Variants in ASTN2 observed in about 807,000 individuals in gnomAD.
ASTN2 encodes astrotactin-2.
ASTN2 carries 54 observed loss-of-function variants against 139.8 expected under a neutral mutation model. The ratio of observed to expected loss-of-function variants is 0.39; its 90% CI spans 0.31 to 0.48. ASTN2 has a LOEUF of 0.48. Ranked by LOEUF, ASTN2 falls within the 20% of genes least tolerant of loss-of-function variation. ASTN2 has a pLI of 0.95. For synonymous variants in ASTN2, 756 were observed against 719.5 expected (o/e 1.05, Z -0.81); for missense variants, 1,565 against 1,725.1 (o/e 0.91, Z 1.64).
intron 19 of ASTN2, among the ~76,000 whole-genome samples, chr9:116,604,833 A>G (rs1346475025): frequency 1.3e-5 from 2 of 152,166 alleles, no homozygotes; most frequent in African/African-American, 2.4e-5. Flanking sequence ...TGGGATGAGG[A>G]GTGTCTTTTC....
At chr9:116,964,299 T>C (rs767523205) in intron 10 of ASTN2, among the ~76,000 whole-genome samples, 10 of 151,372 alleles carry the variant, frequency 6.6e-5, no homozygotes, top group Non-Finnish European at 1.3e-4. Flanking sequence ...GGTTGATGCC[T>C]ATTGGGCAGA....
intron 2 of ASTN2, among the ~76,000 whole-genome samples, chr9:117,248,853 C>T (rs1292207953): frequency 6.6e-6 from 1 of 152,084 alleles, no homozygotes; most frequent in Non-Finnish European, 1.5e-5. Flanking sequence ...TGTGCAACAC[C>T]CAGTGTTGTG....
intron 1 of ASTN2, among the ~76,000 whole-genome samples, chr9:117,301,444 A>G (rs1198848984): frequency 1.3e-5 from 2 of 152,194 alleles, no homozygotes; most frequent in African/African-American, 4.8e-5. Context: ...TTTAGCCCTC[A>G]TAGGAAACCC....
At chr9:116,903,399 G>A (rs768177007) in intron 10 of ASTN2, among the ~76,000 whole-genome samples, 15 of 151,928 alleles carry the variant, frequency 9.9e-5, no homozygotes, top group Non-Finnish European at 2.1e-4. Context: ...GGATATTTGC[G>A]ACCAATTGGA....
At chr9:117,198,729 G>A (rs1831597586) in intron 3 of ASTN2, among the ~76,000 whole-genome samples, 2 of 152,144 alleles carry the variant, frequency 1.3e-5, no homozygotes, top group Non-Finnish European at 2.9e-5. Flanking sequence ...CTTCCACAAT[G>A]GTTAAACTAA....
At chr9:116,466,138 C>T (rs923743424) in intron 20 of ASTN2, among the ~76,000 whole-genome samples, 7 of 152,086 alleles carry the variant, frequency 4.6e-5, no homozygotes, top group South Asian at 4.1e-4. Context: ...GGGTGGGAAG[C>T]GGGCTTTTGA....
intron 5 of ASTN2, among the ~76,000 whole-genome samples, chr9:117,048,980 T>TTTTTTTTTTTTTTTTTTA (rs1838833350): frequency 6.8e-6 from 1 of 147,466 alleles, no homozygotes; most frequent in African/African-American, 2.5e-5. Flanking sequence ...TTTTTTTTTT[T>TTTTTTTTTTTTTTTTTTA]GAGACGGAGT....
chr9:117,397,444 A>G (rs558043293), intron 1 of ASTN2, among the ~76,000 whole-genome samples: 4 of 152,310 alleles, frequency 2.6e-5, no homozygotes, highest in African/African-American at 9.6e-5. Context: ...GAAAGGAATC[A>G]TAAAACTCTA....
chr9:117,305,076 G>A (rs528065479), intron 1 of ASTN2, among the ~76,000 whole-genome samples: 7 of 152,316 alleles, frequency 4.6e-5, no homozygotes, highest in African/African-American at 1.7e-4. Flanking sequence ...TTAATTCAGT[G>A]CAAGATGCCA....
chr9:116,611,362 G>A (rs551170739), intron 19 of ASTN2: 20 of 151,840 alleles, frequency 1.3e-4, no homozygotes, highest in African/African-American at 3.6e-4. Flanking sequence ...ATTAAAATGC[G>A]GAGAAAACCA....
rs770519057 is a variant in ASTN2, at chr9:116,426,026, C to T, written c.3845G>A (p.Arg1282Gln). 20 of 1,613,940 alleles carry T rather than the reference C, an allele frequency of 1.2e-5. No individual in the cohort carries two copies. Among genetic ancestry groups the T allele is most frequent in the Admixed American group, 8.3e-5 (5 of 60,010 alleles). Residue 1282 changes from arginine to glutamine, a missense_variant, in exon 23 of 23, where the codon CGG (arginine) becomes CAG (glutamine). Arg to Gln is a conservative substitution (Grantham distance 43). Around this residue, in one of 4 missense-constraint regions of ASTN2, gnomAD observed 418 missense variants for 465.8 expected, o/e 0.90. Coordinates refer to ENST00000313400, the MANE Select transcript of ASTN2 (RefSeq NM_001365068.1). ...CACGCGGCTCTGGATGTAGGCACTC[C>T]GCAGGAGGCTGGAGCAGTGGCTACT... ...RVSSHCSSLLRSAYIQSRVET... is the reference protein window; with the variant it reads ...RVSSHCSSLLQSAYIQSRVET...
At chr9:116,499,279 G>C (rs187068437) in intron 19 of ASTN2, among the ~76,000 whole-genome samples, 1 of 152,148 alleles carries the variant, frequency 6.6e-6, no homozygotes. Flanking sequence ...AGCAGAGTGT[G>C]GGGGGCACAG....
At chr9:116,591,846 T>G (rs1854391073) in intron 19 of ASTN2, among the ~76,000 whole-genome samples, 1 of 152,174 alleles carries the variant, frequency 6.6e-6, no homozygotes, top group African/African-American at 2.4e-5. Flanking sequence ...TAAAATTACA[T>G]CCATATATGT....
intron 19 of ASTN2, among the ~76,000 whole-genome samples, chr9:116,549,980 A>G (rs1852272323): frequency 6.6e-6 from 1 of 152,184 alleles, no homozygotes; most frequent in Admixed American, 6.5e-5. Context: ...CTCCTACGCA[A>G]TGGAACCCAC....
At chr9:117,185,806 G>C (rs1564466698) in intron 3 of ASTN2, among the ~76,000 whole-genome samples, 1 of 152,068 alleles carries the variant, frequency 6.6e-6, no homozygotes, top group African/African-American at 2.4e-5. Context: ...TTCCAGGTGG[G>C]AGCCAAAGAG....
At chr9:117,005,004 T>C (rs149343963) in intron 7 of ASTN2, among the ~76,000 whole-genome samples, 97 of 152,016 alleles carry the variant, frequency 6.4e-4, no homozygotes, top group African/African-American at 2.3e-3. Flanking sequence ...AAATGTCATC[T>C]AGATGCTGTA....
intron 7 of ASTN2, among the ~76,000 whole-genome samples, chr9:117,000,565 A>G (rs1837165965): frequency 6.6e-6 from 1 of 152,202 alleles, no homozygotes. Context: ...AAGCCTAATG[A>G]TTTAAACTGT....
intron 11 of ASTN2, among the ~76,000 whole-genome samples, chr9:116,859,982 A>G (rs1399058225): frequency 2.0e-5 from 3 of 152,238 alleles, no homozygotes; most frequent in African/African-American, 7.2e-5. Flanking sequence ...CTGGCCTTAA[A>G]TGACCTTGTG....
At chr9:117,361,843 A>AT (rs1376964202) in intron 1 of ASTN2, among the ~76,000 whole-genome samples, 15 of 152,182 alleles carry the variant, frequency 9.9e-5, no homozygotes, top group African/African-American at 3.4e-4. Context: ...GAGGATTTAA[A>AT]AATATATATA....
Sources: allele counts gnomAD v4.1 joint callset (sites outside exome capture counted in the v4.1 genomes callset), GRCh38; gene constraint gnomAD v4.1.1; regional missense constraint gnomAD v4.1.1; transcripts MANE v1.5; gene names NCBI Gene and HGNC (gene_info 2026-07-23, HGNC 2026-07-21).